PPP1R9A: variants seen among roughly 807,000 people sequenced by gnomAD.
PPP1R9A encodes neurabin-1.
Under a neutral mutation model 141.9 loss-of-function variants are expected in PPP1R9A, and 59 were observed. That is an observed-to-expected ratio of 0.42 (90% CI 0.34 to 0.52). The LOEUF (loss-of-function observed/expected upper bound fraction) is 0.52. Among genes scored for constraint, PPP1R9A ranks in the 20% least tolerant of loss-of-function variants. The probability of loss-of-function intolerance (pLI) is 0.10; values close to 1 mark genes in which losing one functional copy is unlikely to be tolerated. For missense variants in PPP1R9A, 1,444 were observed against 1,611.9 expected, an observed-to-expected ratio of 0.90 and a Z score of 1.78; for synonymous variants, 500 against 569.7, an observed-to-expected ratio of 0.88 and a Z score of 1.74.
chr7:95,064,912 CTT>C (rs1261498628), intron 2 of PPP1R9A, among the ~76,000 whole-genome samples: 1 of 152,070 alleles, frequency 6.6e-6, no homozygotes, highest in South Asian at 2.1e-4. Flanking sequence ...TGTATAATGT[CTT>C]ATAAAATTTT....
At chr7:95,246,455 A>G (rs1236568229) in intron 8 of PPP1R9A, among the ~76,000 whole-genome samples, 2 of 152,146 alleles carry the variant, frequency 1.3e-5, no homozygotes, top group Admixed American at 6.6e-5. Flanking sequence ...TAGTGGTACA[A>G]CCTGACCTAA....
intron 12 of PPP1R9A, among the ~76,000 whole-genome samples, chr7:95,265,305 C>G (rs1468938501): frequency 6.6e-6 from 1 of 152,190 alleles, no homozygotes; most frequent in Non-Finnish European, 1.5e-5. Flanking sequence ...GAATAGGCTT[C>G]TGAAGCCTGA....
intron 2 of PPP1R9A, among the ~76,000 whole-genome samples, chr7:95,107,354 A>G (rs114911898): frequency 6.6e-6 from 1 of 152,120 alleles, no homozygotes; most frequent in African/African-American, 2.4e-5. Flanking sequence ...CTTTTCTTCT[A>G]ACTTCATTAT....
chr7:95,024,647 C>T (rs1219508637), intron 2 of PPP1R9A, among the ~76,000 whole-genome samples: 1 of 151,982 alleles, frequency 6.6e-6, no homozygotes, highest in Non-Finnish European at 1.5e-5. Context: ...TTCTTCATCC[C>T]TTTATTTTGA....
At chr7:95,150,538 T>A (rs1828475464) in intron 4 of PPP1R9A, among the ~76,000 whole-genome samples, 1 of 152,090 alleles carries the variant, frequency 6.6e-6, no homozygotes, top group African/African-American at 2.4e-5. Flanking sequence ...CTCCTGACCT[T>A]GTTATCTGCC....
At chr7:94,980,920 T>C (rs897273954) in intron 2 of PPP1R9A, among the ~76,000 whole-genome samples, 4 of 152,212 alleles carry the variant, frequency 2.6e-5, no homozygotes, top group African/African-American at 9.6e-5. Context: ...GTGGCATCTG[T>C]GTGCCACGCT....
chr7:95,222,671 A>G (rs1794623682), intron 7 of PPP1R9A, among the ~76,000 whole-genome samples: 1 of 152,042 alleles, frequency 6.6e-6, no homozygotes. Flanking sequence ...TGGTTACTTG[A>G]AAGATTTTTA....
intron 2 of PPP1R9A, among the ~76,000 whole-genome samples, chr7:94,922,205 C>T (rs370523259): frequency 6.6e-6 from 1 of 151,224 alleles, no homozygotes; most frequent in African/African-American, 2.4e-5. Context: ...TTGTTATTGC[C>T]GGAATTGTTA....
intron 2 of PPP1R9A, among the ~76,000 whole-genome samples, chr7:94,937,637 T>C (rs1302773848): frequency 1.3e-5 from 2 of 152,204 alleles, no homozygotes; most frequent in Admixed American, 1.3e-4. Context: ...ACAGAATAAA[T>C]GTTTTCCAAG....
intron 2 of PPP1R9A, among the ~76,000 whole-genome samples, chr7:95,057,843 T>C (rs1811702904): frequency 6.6e-6 from 1 of 152,162 alleles, no homozygotes; most frequent in Admixed American, 6.5e-5. Context: ...GTTCTTAAAT[T>C]TGTTTCACTT....
At chr7:95,100,697 A>T (rs563310284) in intron 2 of PPP1R9A, among the ~76,000 whole-genome samples, 2 of 152,210 alleles carry the variant, frequency 1.3e-5, no homozygotes, top group East Asian at 3.9e-4. Flanking sequence ...TGGGAAGAAG[A>T]TCTATGACCA....
chr7:95,254,673 T>C (rs561582170), intron 12 of PPP1R9A, among the ~76,000 whole-genome samples: 2 of 152,110 alleles, frequency 1.3e-5, no homozygotes, highest in East Asian at 3.9e-4. Flanking sequence ...TGTAGGTCAA[T>C]GAAAATGGTC....
intron 2 of PPP1R9A, among the ~76,000 whole-genome samples, chr7:94,928,398 A>G (rs1289907533): frequency 6.6e-6 from 1 of 152,112 alleles, no homozygotes; most frequent in Non-Finnish European, 1.5e-5. Flanking sequence ...TACCTCTCCT[A>G]TTTGTTGGTG....
chr7:95,237,179 A>ATAT (rs1554578046), intron 8 of PPP1R9A, among the ~76,000 whole-genome samples: 7 of 125,610 alleles, frequency 5.6e-5, no homozygotes, highest in African/African-American at 1.1e-4. Context: ...ATATATATAT[A>ATAT]TTTTTTTTTT....
At chr7:95,158,207 T>G (rs781343066) in intron 4 of PPP1R9A, among the ~76,000 whole-genome samples, 3 of 152,088 alleles carry the variant, frequency 2.0e-5, no homozygotes, top group Non-Finnish European at 2.9e-5. Flanking sequence ...TACTTAACTC[T>G]GGGGGGGAAA....
chr7:95,171,740 A>T (rs375781327), intron 5 of PPP1R9A, among the ~76,000 whole-genome samples: 1 of 151,660 alleles, frequency 6.6e-6, no homozygotes, highest in Admixed American at 6.6e-5. Flanking sequence ...TCTTAGCATT[A>T]GATGGAGAAA....
chr7:95,123,899 T>TA (rs1162268006), intron 4 of PPP1R9A, among the ~76,000 whole-genome samples: 9 of 151,804 alleles, frequency 5.9e-5, no homozygotes, highest in Non-Finnish European at 1.0e-4. Flanking sequence ...TGAAACTTAA[T>TA]AAAAAAAATA....
At chr7:95,177,392 G>A (rs1178998956) in intron 5 of PPP1R9A, among the ~76,000 whole-genome samples, 1 of 151,978 alleles carries the variant, frequency 6.6e-6, no homozygotes, top group Non-Finnish European at 1.5e-5. Flanking sequence ...AACAAATCAT[G>A]GAAACGCATC....
At chr7:94,915,032 T>C (rs1295524114) in intron 2 of PPP1R9A, among the ~76,000 whole-genome samples, 1 of 152,178 alleles carries the variant, frequency 6.6e-6, no homozygotes, top group Non-Finnish European at 1.5e-5. Flanking sequence ...TGTGTTACAA[T>C]GGATTGTTAT....
Sources: gnomAD v4.1 joint callset for allele counts (sites outside exome capture counted in the v4.1 genomes callset) on GRCh38, gnomAD v4.1.1 for gene constraint, MANE v1.5 for transcripts, NCBI Gene and HGNC (gene_info 2026-07-23, HGNC 2026-07-21) for gene names.